The following ABHD6 variants were observed in gnomAD, a reference collection of about 807,000 sequenced individuals.
ABHD6 encodes abhydrolase domain containing 6, acylglycerol lipase.
In ABHD6, 33 loss-of-function variants were observed where a neutral mutation model predicts 38.8. That is an observed-to-expected ratio of 0.85 (90% confidence interval 0.64 to 1.14). The LOEUF (loss-of-function observed/expected upper bound fraction) is 1.14. Ranked by LOEUF, ABHD6 falls within the 50% of genes most tolerant of loss-of-function variation. ABHD6 has a pLI of 0.00. For missense variants in ABHD6, 380 were observed against 422.6 expected (o/e 0.90, Z 0.88); for synonymous variants, 147 against 161.6 (o/e 0.91, Z 0.69).
intron 6 of ABHD6, among the ~76,000 whole-genome samples, chr3:58,271,968 G>A (rs2097445369): frequency 6.6e-6 from 1 of 151,808 alleles, no homozygotes; most frequent in Non-Finnish European, 1.5e-5. Flanking sequence ...GTTTCGCAAT[G>A]TTGGCTAGGC....
At chr3:58,268,207 T>G (rs988513969) in intron 4 of ABHD6, among the ~76,000 whole-genome samples, 1 of 152,230 alleles carries the variant, frequency 6.6e-6, no homozygotes, top group African/African-American at 2.4e-5. Flanking sequence ...TTGGGGAGGC[T>G]TCTGACACAG....
Position 58,293,475 on chromosome 3 carries a change from C to A in ABHD6, c.838-114C>A. On this transcript the variant is annotated intron_variant, in intron 9 of 9. Coordinates refer to ENST00000478253, the MANE Select transcript of ABHD6 (RefSeq NM_001320126.2). This position sits in a 1 kb window ranked among gnomAD's most constrained non-coding sequence, Gnocchi z 4.4. ...CAAAGGGACTTGGTCCTAAAATTCA[C>A]ATCCTCCTGCCCCACTGACCCCTGC... 8.8e-7 allele frequency: 1 copy of A among 1,134,308 alleles called. No individual in the cohort carries two copies. The highest frequency in any genetic ancestry group is 1.2e-6 in the Non-Finnish European group (1 of 813,546). 70.3% of individuals were successfully genotyped at this position (1,134,308 alleles called of 1,614,324 possible).
intron 7 of ABHD6, among the ~76,000 whole-genome samples, chr3:58,283,537 G>A (rs533382250): frequency 6.6e-6 from 1 of 152,334 alleles, no homozygotes; most frequent in South Asian, 2.1e-4. Flanking sequence ...ATGGATGAGA[G>A]GATGCCTGGA....
rs10671892 is a variant in ABHD6, at chr3:58,252,229, GTTTTTTTTT to G, written c.-26+2302_-26+2310del. On this transcript the variant is annotated intron_variant, in intron 2 of 9. Transcript: ENST00000478253. ...GCATTTTTCTTTAAATTGACTGCTTGTTTTTTTTTTTTTTTTTTTTTTTGGAACAGTCTC... is the reference window on the plus strand; with the variant it reads ...GCATTTTTCTTTAAATTGACTGCTTGTTTTTTTTTTTTTTGGAACAGTCTC... Among the ~76,000 whole-genome samples the G allele has an allele frequency of 6.4e-3, 522 of 80,978 alleles. 7 individuals carry two copies. Among genetic ancestry groups the G allele is most frequent in the African/African-American group, 0.025 (482 of 19,294 alleles). 53.1% of individuals were successfully genotyped at this position (80,978 alleles called of 152,430 possible). A position where few individuals can be genotyped will look rare whatever the true frequency, so the allele number is the denominator to read the frequency against.
chr3:58,289,731 A>G (rs1196974833), intron 9 of ABHD6, among the ~76,000 whole-genome samples: 1 of 152,124 alleles, frequency 6.6e-6, no homozygotes, highest in East Asian at 1.9e-4. Flanking sequence ...ATCATGGCCT[A>G]TTCTCAATGA....
rs1458230871 is a variant in ABHD6, at chr3:58,266,274, CCCTGT to C, written c.120-913_120-909del. ...GACTGGCCTGGCCAACATGGCGAAA[CCCTGT>C]CTCTACTAAAAATACAAAAATTAGG... On this transcript the variant is annotated intron_variant, in intron 3 of 9. Transcript: ENST00000478253. The surrounding 1 kb of genome is among the most constrained non-coding windows in gnomAD (Gnocchi z 4.0). Among the ~76,000 whole-genome samples, 1 of 152,084 alleles carries C rather than the reference CCCTGT, an allele frequency of 6.6e-6. No homozygotes were observed. Among genetic ancestry groups the C allele is most frequent in the Non-Finnish European group, 1.5e-5 (1 of 68,020 alleles).
intron 9 of ABHD6, among the ~76,000 whole-genome samples, chr3:58,286,484 T>C (rs2097457074): frequency 6.6e-6 from 1 of 151,984 alleles, no homozygotes; most frequent in Non-Finnish European, 1.5e-5. Flanking sequence ...AGTTAGCAAA[T>C]GTTTTCTGTA....
chr3:58,255,112 C>T lies in ABHD6; in HGVS notation c.-25-1450C>T, dbSNP rs539253689. On this transcript the variant is annotated intron_variant, in intron 2 of 9. Transcript: ENST00000478253. ...TCTGATACAGCTGGAATTCTAGTGCCCCAATGGTGTGTCAGGTCTTAGTGT... is the reference window on the plus strand; with the variant it reads ...TCTGATACAGCTGGAATTCTAGTGCTCCAATGGTGTGTCAGGTCTTAGTGT... Among the ~76,000 whole-genome samples, 523 of 152,256 alleles carry T rather than the reference C, an allele frequency of 3.4e-3. 3 individuals carry two copies. Among genetic ancestry groups the T allele is most frequent in the Non-Finnish European group, 6.0e-3 (411 of 68,020 alleles).
In ABHD6 at chr3:58,286,850, G is replaced by GTATATATATATATA. The variant is rs1221165191; in HGVS notation, c.837+1398_837+1399insATATATATATATAT. 7.2e-3 allele frequency among the ~76,000 whole-genome samples: 523 copies of GTATATATATATATA among 72,788 alleles called. 33 individuals are homozygous for GTATATATATATATA. The highest frequency in any genetic ancestry group is 0.026 in the Middle Eastern group (4 of 152). The allele number at this position is 72,788 out of a possible 152,430, so 47.8% of individuals were successfully genotyped here. The stretch of plus-strand genomic sequence containing the variant: ...TGTGTGTGTGTGTGTGTGTGTGTGT[G>GTATATATATATATA]TGTATATATATATATATATGTATAT... On this transcript the variant is annotated intron_variant, in intron 9 of 9. Transcript: ENST00000478253.
chr3:58,293,905 G>A lies in ABHD6; in HGVS notation c.*140G>A. The A allele has an allele frequency of 1.1e-6, 1 of 883,902 alleles. No individual in the cohort carries two copies. The highest frequency in any genetic ancestry group is 1.7e-6 in the Non-Finnish European group (1 of 605,052). 54.8% of individuals were successfully genotyped at this position (883,902 alleles called of 1,614,324 possible). Reference sequence around the variant, plus strand: ...TGAGGAAGCCCGTCCCTTATCCCTGGTATCCACGGTTCCCCAGAGCTTTGG... The same window carrying A: ...TGAGGAAGCCCGTCCCTTATCCCTGATATCCACGGTTCCCCAGAGCTTTGG... On this transcript the variant is annotated 3_prime_UTR_variant, in exon 10 of 10. Transcript: ENST00000478253. This position sits in a 1 kb window ranked among gnomAD's most constrained non-coding sequence, Gnocchi z 4.4.
intron 3 of ABHD6, among the ~76,000 whole-genome samples, chr3:58,260,419 C>G (rs551461848): frequency 2.6e-5 from 4 of 152,174 alleles, no homozygotes; most frequent in African/African-American, 9.7e-5. Flanking sequence ...CATTGTGACA[C>G]GGGGGATTAT....
chr3:58,251,825 G>C lies in ABHD6; in HGVS notation c.-26+1883G>C, dbSNP rs985466950. Among the ~76,000 whole-genome samples, 1 of 152,148 alleles carries C rather than the reference G, an allele frequency of 6.6e-6. No individual in the cohort carries two copies. The highest frequency in any genetic ancestry group is 1.5e-5 in the Non-Finnish European group (1 of 68,030). ...TAAAATGAAGTGTTTTTCTTTTTCA[G>C]TGTATTCAGTCAGGCGATAAACATG... On this transcript the variant is annotated intron_variant, in intron 2 of 9. Transcript: ENST00000478253. The surrounding 1 kb of genome is among the most constrained non-coding windows in gnomAD (Gnocchi z 5.4).
At chr3:58,270,708 T>C (rs545153205) in intron 5 of ABHD6, among the ~76,000 whole-genome samples, 2 of 152,234 alleles carry the variant, frequency 1.3e-5, no homozygotes, top group East Asian at 3.9e-4. Flanking sequence ...AGAATCCCTG[T>C]TGATTTTATA....
chr3:58,258,082 C>T (rs1366120500), intron 3 of ABHD6, among the ~76,000 whole-genome samples: 1 of 152,074 alleles, frequency 6.6e-6, no homozygotes, highest in African/African-American at 2.4e-5. Context: ...CCGAGGCAGG[C>T]AGATCACCTG....
rs1388490975 is a variant in ABHD6, at chr3:58,259,020, G to A, written c.119+2315G>A. Among the ~76,000 whole-genome samples the A allele has an allele frequency of 6.6e-6, 1 of 152,192 alleles. No homozygotes were observed. Among genetic ancestry groups the A allele is most frequent in the Non-Finnish European group, 1.5e-5 (1 of 68,038 alleles). On this transcript the variant is annotated intron_variant, in intron 3 of 9. Coordinates refer to ENST00000478253, the MANE Select transcript of ABHD6 (RefSeq NM_001320126.2). The surrounding 1 kb of genome is among the most constrained non-coding windows in gnomAD (Gnocchi z 4.7). ...CCCCTGACATGGAGAAGGCAGAGTT[G>A]CGTGCCCCTTCTCATGGCCTCGTCA... is the stretch of plus-strand genomic sequence containing the variant.
At chr3:58,242,925 A>C (rs941192647) in intron 1 of ABHD6, among the ~76,000 whole-genome samples, 1 of 151,964 alleles carries the variant, frequency 6.6e-6, no homozygotes, top group Non-Finnish European at 1.5e-5. Flanking sequence ...CCTGTGTCCA[A>C]GTGTTTTCAT....
intron 1 of ABHD6, among the ~76,000 whole-genome samples, chr3:58,247,776 T>A (rs1476396285): frequency 6.6e-6 from 1 of 152,200 alleles, no homozygotes; most frequent in Non-Finnish European, 1.5e-5. Context: ...GGTTTCACCG[T>A]GTTGGCCAGG....
At position 58,265,393 on chromosome 3, in the gene ABHD6, A is replaced by C. The variant is rs1352341390; in HGVS notation, c.120-1796A>C. ...TTATTTATTAAGGATATCATTCTGC[A>C]GCTGTCATATTCATTGCAAATATTT... is the stretch of plus-strand genomic sequence containing the variant. On this transcript the variant is annotated intron_variant, in intron 3 of 9. Transcript: ENST00000478253. This position sits in a 1 kb window ranked among gnomAD's most constrained non-coding sequence, Gnocchi z 4.2. Among the ~76,000 whole-genome samples, 5 of 152,204 alleles carry C rather than the reference A, an allele frequency of 3.3e-5. No homozygotes were observed. Among genetic ancestry groups the C allele is most frequent in the African/African-American group, 7.2e-5 (3 of 41,444 alleles).
In ABHD6 at chr3:58,257,168, A is replaced by G. The variant is rs1379485131; in HGVS notation, c.119+463A>G. 6.6e-6 allele frequency among the ~76,000 whole-genome samples: 1 copy of G among 152,008 alleles called. No homozygotes were observed. The highest frequency in any genetic ancestry group is 2.1e-4 in the South Asian group (1 of 4,826). ...AGTGATCTTCCCATCTTGCCTCTCT[A>G]AGTGCTGGGATTACAGGCATGAGCC... On this transcript the variant is annotated intron_variant, in intron 3 of 9. Transcript: ENST00000478253. This position sits in a 1 kb window ranked among gnomAD's most constrained non-coding sequence, Gnocchi z 4.8.
Sources: gnomAD v4.1 joint callset for allele counts (sites outside exome capture counted in the v4.1 genomes callset) on GRCh38, gnomAD v4.1.1 for gene constraint, Gnocchi (gnomAD v3.1) non-coding constraint, MANE v1.5 for transcripts, NCBI Gene and HGNC (gene_info 2026-07-23, HGNC 2026-07-21) for gene names.